Variants in TMEM132D observed in about 807,000 individuals in gnomAD.
The protein encoded by TMEM132D is mature OL transmembrane protein.
TMEM132D carries 21 observed loss-of-function variants against 62.3 expected under a neutral mutation model. The observed-to-expected ratio is 0.34, with a 90% CI of 0.24 to 0.49. The LOEUF is 0.49. TMEM132D is among the 20% of genes least tolerant of loss of function. The pLI, the probability that TMEM132D is intolerant of heterozygous loss-of-function variation, is 0.99. For synonymous variants in TMEM132D, 621 were observed against 575.6 expected (o/e 1.08, Z -1.13); for missense variants, 1,346 against 1,402.8 (o/e 0.96, Z 0.65).
intron 4 of TMEM132D, among the ~76,000 whole-genome samples, chr12:129,258,846 C>A (rs1341611750): frequency 6.6e-6 from 1 of 152,126 alleles, no homozygotes; most frequent in Admixed American, 6.5e-5. Flanking sequence ...ATAATACATG[C>A]TGTAAAATAA....
At chr12:129,177,693 G>C (rs1877943530) in intron 5 of TMEM132D, among the ~76,000 whole-genome samples, 1 of 152,218 alleles carries the variant, frequency 6.6e-6, no homozygotes, top group Non-Finnish European at 1.5e-5. Flanking sequence ...AGGAGTTGGA[G>C]ACTGCAGTGA....
At chr12:129,473,422 C>G (rs915537206) in intron 3 of TMEM132D, among the ~76,000 whole-genome samples, 1 of 144,934 alleles carries the variant, frequency 6.9e-6, no homozygotes, top group Non-Finnish European at 1.5e-5. Context: ...CTCCACCTCC[C>G]AGGTTCAAGT....
chr12:129,641,171 C>A (rs1879632211), intron 2 of TMEM132D, among the ~76,000 whole-genome samples: 1 of 152,162 alleles, frequency 6.6e-6, no homozygotes. Context: ...AAATTGTCTT[C>A]CATAAAACTG....
At chr12:129,440,892 A>T (rs974472088) in intron 3 of TMEM132D, among the ~76,000 whole-genome samples, 7 of 152,214 alleles carry the variant, frequency 4.6e-5, no homozygotes, top group Non-Finnish European at 1.0e-4. Context: ...AACAGAAATT[A>T]AAAATAACCA....
At chr12:129,101,372 A>G (rs1875303428) in intron 5 of TMEM132D, among the ~76,000 whole-genome samples, 1 of 152,204 alleles carries the variant, frequency 6.6e-6, no homozygotes, top group Non-Finnish European at 1.5e-5. Context: ...GAGATGTGCC[A>G]CCATGGCTTT....
intron 4 of TMEM132D, among the ~76,000 whole-genome samples, chr12:129,305,507 C>A (rs1217094708): frequency 1.3e-5 from 2 of 152,072 alleles, no homozygotes; most frequent in African/African-American, 4.8e-5. Flanking sequence ...GTATGCCCCC[C>A]AAAAACCCCA....
intron 4 of TMEM132D, among the ~76,000 whole-genome samples, chr12:129,238,741 G>A (rs1039167897): frequency 6.6e-6 from 1 of 152,164 alleles, no homozygotes; most frequent in East Asian, 1.9e-4. Flanking sequence ...ATGGACATTT[G>A]GGTTGATTCT....
chr12:129,482,396 A>G (rs1874454333), intron 3 of TMEM132D, among the ~76,000 whole-genome samples: 1 of 152,234 alleles, frequency 6.6e-6, no homozygotes, highest in Non-Finnish European at 1.5e-5. Flanking sequence ...TGCTATATTA[A>G]ATGAAAAAGC....
chr12:129,731,279 T>C (rs1869226766), intron 1 of TMEM132D, among the ~76,000 whole-genome samples: 1 of 152,018 alleles, frequency 6.6e-6, no homozygotes, highest in Non-Finnish European at 1.5e-5. Flanking sequence ...AAACACACGA[T>C]TACTGCCCTC....
chr12:129,729,545 T>G (rs1260704943), intron 1 of TMEM132D, among the ~76,000 whole-genome samples: 1 of 152,182 alleles, frequency 6.6e-6, no homozygotes, highest in African/African-American at 2.4e-5. Context: ...TTTTCTTTCT[T>G]GCCAAAGATT....
At chr12:129,774,321 A>G (rs2137285315) in intron 1 of TMEM132D, among the ~76,000 whole-genome samples, 1 of 152,022 alleles carries the variant, frequency 6.6e-6, no homozygotes, top group Middle Eastern at 3.4e-3. Flanking sequence ...ATCTCCCTCT[A>G]CTTCCTGGGC....
intron 2 of TMEM132D, among the ~76,000 whole-genome samples, chr12:129,655,644 C>T (rs1411864795): frequency 6.6e-6 from 1 of 151,982 alleles, no homozygotes; most frequent in Non-Finnish European, 1.5e-5. Flanking sequence ...CGAGAGGTGA[C>T]TCCACAAAAC....
At chr12:129,469,980 G>A (rs1289587266) in intron 3 of TMEM132D, among the ~76,000 whole-genome samples, 2 of 152,240 alleles carry the variant, frequency 1.3e-5, no homozygotes, top group East Asian at 3.9e-4. Context: ...AGTGGAAAAG[G>A]TATTGACTAT....
intron 4 of TMEM132D, among the ~76,000 whole-genome samples, chr12:129,235,515 T>C (rs1427351313): frequency 6.6e-6 from 1 of 152,194 alleles, no homozygotes; most frequent in African/African-American, 2.4e-5. Context: ...GATTAATCCT[T>C]GCTGTTACAT....
At chr12:129,755,260 C>T (rs1481281730) in intron 1 of TMEM132D, among the ~76,000 whole-genome samples, 8 of 152,216 alleles carry the variant, frequency 5.3e-5, no homozygotes, top group Admixed American at 5.2e-4. Context: ...GTATCTACCT[C>T]TCCAAAGGTT....
At chr12:129,618,723 G>C (rs930669895) in intron 2 of TMEM132D, among the ~76,000 whole-genome samples, 2 of 152,156 alleles carry the variant, frequency 1.3e-5, no homozygotes, top group African/African-American at 4.8e-5. Context: ...AAAAGTATTT[G>C]AGACAGGTCA....
chr12:129,789,998 C>T (rs1419126565), intron 1 of TMEM132D, among the ~76,000 whole-genome samples: 1 of 152,320 alleles, frequency 6.6e-6, no homozygotes, highest in East Asian at 1.9e-4. Context: ...GACCCCTTTG[C>T]GGAAGGGAAC....
intron 4 of TMEM132D, among the ~76,000 whole-genome samples, chr12:129,224,688 T>C (rs1231836581): frequency 6.6e-6 from 1 of 152,160 alleles, no homozygotes; most frequent in Non-Finnish European, 1.5e-5. Flanking sequence ...AGCAGATCAC[T>C]TGAGGTCAGG....
intron 5 of TMEM132D, chr12:129,111,646 TCA>T (rs1302655578): frequency 1.6e-4 from 24 of 152,218 alleles, no homozygotes; most frequent in Non-Finnish European, 1.5e-5. Context: ...TCTGAATGGC[TCA>T]GTTTTGATTT....
Sources: gnomAD v4.1 joint callset for allele counts (sites outside exome capture counted in the v4.1 genomes callset) on GRCh38, gnomAD v4.1.1 for gene constraint, MANE v1.5 for transcripts, NCBI Gene and HGNC (gene_info 2026-07-23, HGNC 2026-07-21) for gene names.